The following GAREM1 variants were observed in gnomAD, a reference collection of about 807,000 sequenced individuals.
The protein encoded by GAREM1 is GRB2 associated regulator of MAPK1 subtype 1.
GAREM1 carries 26 observed loss-of-function variants against 71.3 expected under a neutral mutation model. The ratio of observed to expected loss-of-function variants is 0.36; its 90% CI spans 0.27 to 0.51. The LOEUF is 0.51. GAREM1 is among the 20% of genes least tolerant of loss of function. The pLI, the probability that GAREM1 is intolerant of heterozygous loss-of-function variation, is 0.95. For synonymous variants in GAREM1, 440 were observed against 433.2 expected, an observed-to-expected ratio of 1.02 and a Z score of -0.20; for missense variants, 1,026 against 1,103.1, an observed-to-expected ratio of 0.93 and a Z score of 0.99.
At chr18:32,285,745 T>A (rs1390474503) in intron 4 of GAREM1, among the ~76,000 whole-genome samples, 1 of 152,230 alleles carries the variant, frequency 6.6e-6, no homozygotes, top group Non-Finnish European at 1.5e-5. Context: ...TTGCTTTTCA[T>A]CTGTTACCTT....
chr18:32,323,807 A>T (rs1301761607), intron 2 of GAREM1, among the ~76,000 whole-genome samples: 1 of 152,214 alleles, frequency 6.6e-6, no homozygotes, highest in Non-Finnish European at 1.5e-5. Context: ...TTCATTTTTT[A>T]ATCTACATAA....
At chr18:32,404,367 T>C (rs1022489426) in intron 1 of GAREM1, among the ~76,000 whole-genome samples, 1 of 152,144 alleles carries the variant, frequency 6.6e-6, no homozygotes, top group African/African-American at 2.4e-5. Flanking sequence ...AGTTTTCTCT[T>C]AAGGTTGGGA....
chr18:32,268,877 G>A, intron 5 of GAREM1, 109 bp from the exon 6 acceptor site: 1 of 845,710 alleles, frequency 1.2e-6, no homozygotes, highest in South Asian at 2.0e-5. Flanking sequence ...AGTTAGTTTT[G>A]AATTCAATAA....
intron 2 of GAREM1, among the ~76,000 whole-genome samples, chr18:32,318,303 G>A (rs1233731160): frequency 6.6e-6 from 1 of 152,164 alleles, no homozygotes; most frequent in Non-Finnish European, 1.5e-5. Flanking sequence ...TTTTGTGTGT[G>A]CCCCTCAAGA....
chr18:32,310,122 G>A, intron 3 of GAREM1, 71 bp downstream of exon 3: 3 of 1,539,874 alleles, frequency 1.9e-6, no homozygotes, highest in African/African-American at 1.4e-5. Flanking sequence ...AACACTTACT[G>A]TGTACATCCA....
In GAREM1 at chr18:32,268,730, G is replaced by A; in HGVS notation, c.1772C>T (p.Thr591Ile). The A allele has an allele frequency of 6.2e-7, 1 of 1,614,130 alleles. No homozygotes were observed. Among genetic ancestry groups the A allele is most frequent in the Non-Finnish European group, 8.5e-7 (1 of 1,180,000 alleles). ...TKTDTNPSES[T>I]PVSCYPCNRV... Reference sequence around the variant, plus strand: ...GTTACATGGATAGCAGGAAACAGGAGTGCTTTCAGAAGGATTTGTGTCAGT... The same window carrying A: ...GTTACATGGATAGCAGGAAACAGGAATGCTTTCAGAAGGATTTGTGTCAGT... Residue 591 changes from threonine (T) to isoleucine (I), a missense_variant, in exon 6 of 6, where the codon ACT becomes ATT. Transcript: ENST00000269209.
At chr18:32,469,760 C>T (rs868680852) in intron 1 of GAREM1, among the ~76,000 whole-genome samples, 5 of 152,268 alleles carry the variant, frequency 3.3e-5, no homozygotes, top group African/African-American at 7.2e-5. Context: ...ATTTTCTACA[C>T]ACAGCCCCAA....
At chr18:32,450,681 T>C (rs1568016123) in intron 1 of GAREM1, among the ~76,000 whole-genome samples, 1 of 152,192 alleles carries the variant, frequency 6.6e-6, no homozygotes, top group Non-Finnish European at 1.5e-5. Flanking sequence ...ATCTTGCTGC[T>C]TTCTCATACC....
intron 4 of GAREM1, among the ~76,000 whole-genome samples, chr18:32,275,443 T>C (rs942298947): frequency 5.3e-5 from 8 of 152,202 alleles, no homozygotes; most frequent in African/African-American, 1.7e-4. Context: ...TTACCGTCCA[T>C]TGCAGATGAC....
intron 2 of GAREM1, among the ~76,000 whole-genome samples, chr18:32,349,353 A>G (rs920242020): frequency 1.3e-5 from 2 of 152,198 alleles, no homozygotes; most frequent in Non-Finnish European, 2.9e-5. Flanking sequence ...TCTCTAAATA[A>G]GTTTCAAAAA....
chr18:32,363,985 T>C (rs1293472860), intron 2 of GAREM1, among the ~76,000 whole-genome samples: 1 of 49,910 alleles, frequency 2.0e-5, no homozygotes, highest in African/African-American at 8.1e-5. Flanking sequence ...AATACATAAA[T>C]ACATATATAC....
intron 1 of GAREM1, among the ~76,000 whole-genome samples, chr18:32,395,728 C>A (rs1409851095): frequency 6.6e-6 from 1 of 152,152 alleles, no homozygotes; most frequent in Admixed American, 6.5e-5. Flanking sequence ...TAGAGCACCA[C>A]CTATGGGGGC....
chr18:32,449,230 A>G (rs8094711), intron 1 of GAREM1, among the ~76,000 whole-genome samples: 22,420 of 152,178 alleles, frequency 0.15, 2,012 homozygotes, highest in East Asian at 0.4. Flanking sequence ...CTCAATGAAC[A>G]CTAACTATAA....
At chr18:32,277,111 G>T (rs1426376869) in intron 4 of GAREM1, among the ~76,000 whole-genome samples, 1 of 152,174 alleles carries the variant, frequency 6.6e-6, no homozygotes, top group Non-Finnish European at 1.5e-5. Context: ...GTCAAGTGAG[G>T]GGGCAGAGCC....
chr18:32,451,772 C>T (rs1281008540), intron 1 of GAREM1, among the ~76,000 whole-genome samples: 1 of 152,130 alleles, frequency 6.6e-6, no homozygotes, highest in Non-Finnish European at 1.5e-5. Flanking sequence ...ATATTTACAG[C>T]CCTTCAGCAC....
intron 2 of GAREM1, among the ~76,000 whole-genome samples, chr18:32,388,912 T>C (rs2048171487): frequency 1.3e-5 from 2 of 152,270 alleles, no homozygotes; most frequent in Admixed American, 6.5e-5. Context: ...ATGTACTGAA[T>C]TTGCTACCAG....
At chr18:32,304,498 T>C (rs1461635360) in intron 3 of GAREM1, among the ~76,000 whole-genome samples, 2 of 152,180 alleles carry the variant, frequency 1.3e-5, no homozygotes, top group African/African-American at 4.8e-5. Flanking sequence ...ATGGGCTATA[T>C]AGTTTCTGCT....
At chr18:32,314,059 AT>A (rs2047351556) in intron 2 of GAREM1, among the ~76,000 whole-genome samples, 1 of 151,842 alleles carries the variant, frequency 6.6e-6, no homozygotes, top group Non-Finnish European at 1.5e-5. Flanking sequence ...CAGTATGAAT[AT>A]GTTACAGTAC....
In GAREM1 at chr18:32,268,897, T is replaced by C. The variant is rs561297088; in HGVS notation, c.1734-129A>G. ...GTTTTGAATTCAATAAAATTCCTGCTAACTTCACTGGGTTTTTTTTTTAAA... is the reference window on the plus strand; with the variant it reads ...GTTTTGAATTCAATAAAATTCCTGCCAACTTCACTGGGTTTTTTTTTTAAA... On this transcript the variant is annotated intron_variant, in intron 5 of 5. Transcript: ENST00000269209. 4.2e-5 allele frequency: 29 copies of C among 686,802 alleles called. No homozygotes were observed. In the East Asian group the frequency reaches 7.4e-4, roughly 17 times the overall value. The allele number at this position is 686,802 out of a possible 1,614,324, so 42.5% of individuals were successfully genotyped here. A position where few individuals can be genotyped will look rare whatever the true frequency, so the allele number is the denominator to read the frequency against.
Sources: gnomAD v4.1 joint callset for allele counts (sites outside exome capture counted in the v4.1 genomes callset) on GRCh38, gnomAD v4.1.1 for gene constraint, MANE v1.5 for transcripts, NCBI Gene and HGNC (gene_info 2026-07-23, HGNC 2026-07-21) for gene names.